NLGN3: variants seen among roughly 807,000 people sequenced by gnomAD.
NLGN3 encodes neuroligin 3.
In NLGN3, 11 loss-of-function variants were observed where a neutral mutation model predicts 42.9. That is an observed-to-expected ratio of 0.26 (90% confidence interval 0.16 to 0.42). The LOEUF is 0.42. Among genes scored for constraint, NLGN3 ranks in the 10% least tolerant of loss-of-function variants. The pLI is 1.00. For synonymous variants in NLGN3, 279 were observed against 312.7 expected, an observed-to-expected ratio of 0.89 and a Z score of 1.14; for missense variants, 374 against 733.8, an observed-to-expected ratio of 0.51 and a Z score of 5.67.
Position 71,170,006 on chromosome X carries a change from T to A in NLGN3, c.2456T>A (p.Val819Glu). 1.7e-6 allele frequency: 2 copies of A among 1,209,704 alleles called. No homozygotes were observed. Among genetic ancestry groups the A allele is most frequent in the Non-Finnish European group, 2.2e-6 (2 of 894,638 alleles). ...ATCACTATGATCCCCAACTCCCTGG[T>A]AGGGCTGCAGACATTGCACCCCTAT... ...NTITMIPNSL[V>E]GLQTLHPYNT... Residue 819 changes from valine (V) to glutamate (E), a missense_variant, in exon 8 of 8, where the codon GTA becomes GAA. Physicochemically the swap from Val to Glu is moderately radical, Grantham distance 121 (BLOSUM62 -2). Transcript: ENST00000358741.
At chrX:71,169,224 G>A in intron 7 of NLGN3, 30 bp from the exon 8 acceptor site, 1 of 1,207,981 alleles carries the variant, frequency 8.3e-7, no homozygotes, top group Non-Finnish European at 1.1e-6. Flanking sequence ...AGATAGAGTG[G>A]TGACCCCAGA....
intron 5 of NLGN3, among the ~76,000 whole-genome samples, chrX:71,160,157 G>C (rs1317175135): frequency 9.3e-6 from 1 of 107,049 alleles, no homozygotes; most frequent in African/African-American, 3.4e-5. Context: ...CAGCTTTCCT[G>C]AGCACTGAAC....
intron 5 of NLGN3, among the ~76,000 whole-genome samples, chrX:71,158,573 G>A (rs2092418068): frequency 8.9e-6 from 1 of 112,177 alleles, no homozygotes; most frequent in South Asian, 3.6e-4. Context: ...AGGTTTATTG[G>A]AAAATACAAA....
At chrX:71,151,803 A>C (rs2092392377) in intron 3 of NLGN3, among the ~76,000 whole-genome samples, 1 of 112,250 alleles carries the variant, frequency 8.9e-6, no homozygotes, top group African/African-American at 3.2e-5. Context: ...ACCCCACCCC[A>C]TCAAGTTGGA....
chrX:71,156,014 C>T (rs1310075486), intron 5 of NLGN3, among the ~76,000 whole-genome samples: 1 of 110,348 alleles, frequency 9.1e-6, no homozygotes, highest in Non-Finnish European at 1.9e-5. Flanking sequence ...TCTCACCCTC[C>T]GCATGTACAC....
At chrX:71,163,131 C>T (rs770151757) in intron 5 of NLGN3, among the ~76,000 whole-genome samples, 21 of 110,392 alleles carry the variant, frequency 1.9e-4, no homozygotes, top group African/African-American at 6.6e-4. Context: ...GTCTCCATGG[C>T]AACAAGTCTC....
At chrX:71,163,037 C>T (rs1198484908) in intron 5 of NLGN3, among the ~76,000 whole-genome samples, 1 of 111,007 alleles carries the variant, frequency 9.0e-6, no homozygotes, top group Admixed American at 9.6e-5. Context: ...GAAATAAGGC[C>T]GCAGGCTCAG....
rs950221802 is a variant in NLGN3 at position 71,170,347 on chromosome X, C to T, written c.*250C>T. The T allele has an allele frequency of 1.6e-5, 17 of 1,034,346 alleles. No individual in the cohort carries two copies. The Admixed American group carries it at 3.0e-4, about 18-fold the overall frequency. 85.2% of individuals were successfully genotyped at this position (1,034,346 alleles called of 1,213,427 possible). Reference sequence around the variant, plus strand: ...TTAAATGGGGACGCAGATGAGTCCTCGGTAAACCGAGGACCCATGAAACAG... The same window carrying T: ...TTAAATGGGGACGCAGATGAGTCCTTGGTAAACCGAGGACCCATGAAACAG... On this transcript the variant is annotated 3_prime_UTR_variant, in exon 8 of 8. Transcript: ENST00000358741.
chrX:71,161,593 G>A (rs1286744862), intron 5 of NLGN3, among the ~76,000 whole-genome samples: 1 of 108,474 alleles, frequency 9.2e-6, no homozygotes, highest in Non-Finnish European at 1.9e-5. Context: ...GGCCAACATG[G>A]CGAAACCCCA....
At chrX:71,146,255 G>A (rs1313182275) in intron 1 of NLGN3, among the ~76,000 whole-genome samples, 1 of 94,877 alleles carries the variant, frequency 1.1e-5, no homozygotes, top group Non-Finnish European at 2.1e-5. Context: ...CTGATTGCCG[G>A]GCGTTCCCAA....
chrX:71,172,777 C>T (rs554894634), downstream of NLGN3, among the ~76,000 whole-genome samples: 15 of 110,801 alleles, frequency 1.4e-4, no homozygotes, highest in African/African-American at 3.3e-4. Flanking sequence ...GAGCTGATGA[C>T]CTGTTCTCCG....
chrX:71,160,217 T>C (rs72628898), intron 5 of NLGN3, among the ~76,000 whole-genome samples: 1,103 of 105,999 alleles, frequency 0.01, 18 homozygotes, highest in African/African-American at 0.035. Flanking sequence ...TTCTTTCTTT[T>C]TTTTTTTTTT....
intron 5 of NLGN3, among the ~76,000 whole-genome samples, chrX:71,162,536 C>A (rs1007255934): frequency 1.8e-5 from 2 of 112,211 alleles, no homozygotes; most frequent in African/African-American, 6.5e-5. Context: ...CATCCTCATG[C>A]AGGCTTTCTC....
chrX:71,168,869 GAGAA>G (rs1303004856), intron 7 of NLGN3, among the ~76,000 whole-genome samples: 5 of 71,384 alleles, frequency 7.0e-5, no homozygotes, highest in East Asian at 8.5e-4. Flanking sequence ...AAGAAAGAAA[GAGAA>G]AGAAAAGAAA....
rs760440402 is a variant in NLGN3, at chrX:71,153,482, G to A, written c.523G>A (p.Gly175Ser). ...TCCCCGTGTCTGGTCCCCAGGATCC[G>A]GCGCTAAGAAACAGGGCGAGGACTT... ...NKKICRKGGS[G>S]AKKQGEDLAD... The change falls in exon 4 of 8, where the codon GGC becomes AGC. Residue 175 changes from glycine to serine, a missense_variant. Physicochemically the swap from Gly to Ser is moderately conservative, Grantham distance 56. Transcript: ENST00000358741. The A allele has an allele frequency of 9.9e-6, 12 of 1,206,948 alleles. No homozygotes were observed. The highest frequency in any genetic ancestry group is 5.2e-5 in the African/African-American group (3 of 57,467).
At chrX:71,159,440 C>T (rs2092421830) in intron 5 of NLGN3, among the ~76,000 whole-genome samples, 1 of 112,277 alleles carries the variant, frequency 8.9e-6, no homozygotes, top group Admixed American at 9.4e-5. Context: ...TTGACAGCCC[C>T]GTCATTTGGA....
At chrX:71,168,329 G>A (rs943669656) in intron 7 of NLGN3, among the ~76,000 whole-genome samples, 5 of 110,891 alleles carry the variant, frequency 4.5e-5, no homozygotes, top group African/African-American at 9.9e-5. Context: ...GTGACAGAGC[G>A]AAACCTTATC....
intron 1 of NLGN3, among the ~76,000 whole-genome samples, chrX:71,145,345 C>G (rs1394571207): frequency 1.1e-5 from 1 of 93,200 alleles, no homozygotes; most frequent in Non-Finnish European, 2.2e-5. Flanking sequence ...CTCCCTCCCC[C>G]ACTATCTGCA....
intron 5 of NLGN3, among the ~76,000 whole-genome samples, chrX:71,161,180 T>C (rs1222375633): frequency 3.2e-4 from 34 of 106,220 alleles, no homozygotes; most frequent in Non-Finnish European, 5.6e-4. Flanking sequence ...AATGGCGCTA[T>C]CTCGGCTCAC....
Sources: gnomAD v4.1 joint callset for allele counts (sites outside exome capture counted in the v4.1 genomes callset) on GRCh38, gnomAD v4.1.1 for gene constraint, MANE v1.5 for transcripts, NCBI Gene and HGNC (gene_info 2026-07-23, HGNC 2026-07-21) for gene names.